The following LAMA4 variants were observed in gnomAD, a reference collection of about 807,000 sequenced individuals.
LAMA4 encodes the protein laminin subunit alpha 4.
A neutral mutation model predicts 207.1 loss-of-function variants in LAMA4; 127 were observed. The ratio of observed to expected loss-of-function variants is 0.61; its 90% CI spans 0.53 to 0.71. The LOEUF is 0.71. Ranked by LOEUF, LAMA4 falls within the 30% of genes least tolerant of loss-of-function variation. LAMA4 has a pLI of 0.00. For missense variants in LAMA4, 2,093 were observed against 2,246.5 expected (o/e 0.93, Z 1.38); for synonymous variants, 761 against 816.0 (o/e 0.93, Z 1.15).
At chr6:112,130,096 C>T (rs1583663955) in intron 29 of LAMA4, 56 bp from the exon 30 acceptor site, 1 of 1,463,468 alleles carries the variant, frequency 6.8e-7, no homozygotes, top group East Asian at 2.3e-5. Flanking sequence ...TACCTTGACC[C>T]ACTCTAGGTT....
chr6:112,187,604 G>A lies in LAMA4; in HGVS notation c.815-3C>T. The stretch of plus-strand genomic sequence containing the variant: ...GTCCCAGACGCACTTATCACAGCCT[G>A]GAGGTGAAACATTTCTTCAGAATCA... On this transcript the variant is annotated splice_polypyrimidine_tract_variant and splice_region_variant and intron_variant, in intron 7 of 38. Coordinates refer to ENST00000230538, the MANE Select transcript of LAMA4 (RefSeq NM_001105206.3). 6.2e-7 allele frequency: 1 copy of A among 1,613,564 alleles called. No individual in the cohort carries two copies. Among genetic ancestry groups the A allele is most frequent in the South Asian group, 1.1e-5 (1 of 90,950 alleles).
rs782652306 is a variant in LAMA4, at chr6:112,114,731, A to G, written c.5138T>C (p.Ile1713Thr). 2.5e-6 allele frequency: 4 copies of G among 1,612,066 alleles called. No homozygotes were observed. In the African/African-American group the frequency reaches 4.0e-5, roughly 16 times the overall value. Residue 1713 changes from isoleucine to threonine, a missense_variant, in exon 37 of 39, where the codon ATC becomes ACC. This residue lies in a region of LAMA4 where 383 missense variants were observed against 437.8 expected (regional missense o/e 0.87). Transcript: ENST00000230538. ...GQVIVKVNNGIRDFSTSVTPK... is the reference protein window; with the variant it reads ...GQVIVKVNNGTRDFSTSVTPK... ...TGTAACTGAGGTGGAAAAATCTCTG[A>G]TGCCATTATTGACTTTCACTATGAC...
At chr6:112,215,789 A>G (rs2213840) in intron 3 of LAMA4, among the ~76,000 whole-genome samples, 29,880 of 152,234 alleles carry the variant, frequency 0.2, 3,296 homozygotes, top group African/African-American at 0.28. Flanking sequence ...AATGAAGAAC[A>G]GTCTATTGGA....
chr6:112,122,160 A>T lies in LAMA4; in HGVS notation c.4329T>A (p.Ala1443=), dbSNP rs1778398832. 1 of 1,613,776 alleles carries T rather than the reference A, an allele frequency of 6.2e-7. No homozygotes were observed. The highest frequency in any genetic ancestry group is 1.3e-5 in the African/African-American group (1 of 74,898). Residue 1443 remains alanine (A), a synonymous_variant, in exon 32 of 39, where the codon GCT becomes GCA. Coordinates refer to ENST00000230538, the MANE Select transcript of LAMA4 (RefSeq NM_001105206.3). ...SKDAPSWDPV[A]LKLPERNTPR... is the part of the protein sequence containing the mutation. ...GAGTATTCCGCTCTGGGAGTTTCAGAGCAACAGGATCCCATGAAGGTGCAT... is the reference window on the plus strand; with the variant it reads ...GAGTATTCCGCTCTGGGAGTTTCAGTGCAACAGGATCCCATGAAGGTGCAT...
At chr6:112,195,507 C>T (rs1783363147) in intron 5 of LAMA4, among the ~76,000 whole-genome samples, 1 of 152,104 alleles carries the variant, frequency 6.6e-6, no homozygotes, top group South Asian at 2.1e-4. Flanking sequence ...TTCTCTTGTT[C>T]TTCTTCCTTA....
At chr6:112,141,700 G>T (rs1554333343) in intron 20 of LAMA4, among the ~76,000 whole-genome samples, 197 bp from the exon 21 acceptor site, 1 of 152,082 alleles carries the variant, frequency 6.6e-6, no homozygotes, top group Admixed American at 6.6e-5. Flanking sequence ...GAGTCTGCTG[G>T]CCCCATCTTG....
intron 3 of LAMA4, among the ~76,000 whole-genome samples, chr6:112,209,098 C>T (rs1182538165): frequency 6.6e-6 from 1 of 152,166 alleles, no homozygotes; most frequent in African/African-American, 2.4e-5. Context: ...AAAGTTGCAG[C>T]AATCTCTCAT....
At chr6:112,134,646 A>T in intron 25 of LAMA4, 37 bp from the exon 26 acceptor site, 1 of 1,507,468 alleles carries the variant, frequency 6.6e-7, no homozygotes, top group Non-Finnish European at 9.2e-7. Context: ...TTGATTAACT[A>T]TTTAATATTC....
At chr6:112,144,727 A>C in intron 19 of LAMA4, 67 bp downstream of exon 19, 1 of 1,567,070 alleles carries the variant, frequency 6.4e-7, no homozygotes, top group Non-Finnish European at 8.7e-7. Context: ...AAGCTGCCCA[A>C]GCAGTTGGAG....
rs1554343423 is a variant in LAMA4, at chr6:112,175,478, T to C, written c.1192A>G (p.Ile398Val). 1 of 1,614,072 alleles carries C rather than the reference T, an allele frequency of 6.2e-7. No homozygotes were observed. The highest frequency in any genetic ancestry group is 1.1e-5 in the South Asian group (1 of 91,074). ...AHDMRDKIQE[I>V]NNKMLYYGEE... ...CCATAATAGAGCATCTTGTTGTTGA[T>C]CTCTGAAAGGAAGAACATGGTGAAA... Residue 398 changes from isoleucine to valine, a missense_variant and splice_region_variant, in exon 11 of 39, where the codon ATC (isoleucine) becomes GTC (valine). Physicochemically the swap from Ile to Val is conservative, Grantham distance 29. This residue lies in a region of LAMA4 where 1,704 missense variants were observed against 1,788.4 expected (regional missense o/e 0.95). Coordinates refer to ENST00000230538, the MANE Select transcript of LAMA4 (RefSeq NM_001105206.3).
chr6:112,201,674 CA>C lies in LAMA4; in HGVS notation c.436del (p.Cys146AlafsTer52). 1 of 1,613,836 alleles carries C rather than the reference CA, an allele frequency of 6.2e-7. No homozygotes were observed. Among genetic ancestry groups the C allele is most frequent in the Non-Finnish European group, 8.5e-7 (1 of 1,179,802 alleles). On this transcript the variant is annotated frameshift_variant, in exon 5 of 39. Coordinates refer to ENST00000230538, the MANE Select transcript of LAMA4 (RefSeq NM_001105206.3). LOFTEE classifies it high-confidence loss of function. ...CCGAACAGCTCCATTTTTCCTATAG[CA>C]GGATTCTGCAAAACTAAAATTGGAA... is the stretch of plus-strand genomic sequence containing the variant. ...LPHLANFAESCYRKNGAVRCI... is the reference protein window; with the variant it reads ...LPHLANFAESXYRKNGAVRCI...
At chr6:112,114,356 A>G (rs587714666) in intron 37 of LAMA4, among the ~76,000 whole-genome samples, 161 bp from the exon 38 acceptor site, 1 of 152,338 alleles carries the variant, frequency 6.6e-6, no homozygotes, top group South Asian at 2.1e-4. Context: ...AACAATGTCT[A>G]ACCAAGAGAT....
chr6:112,159,045 G>T (rs550583863), intron 13 of LAMA4, 165 bp from the exon 14 acceptor site: 2 of 603,232 alleles, frequency 3.3e-6, no homozygotes. Context: ...TATTTATCCC[G>T]CATTGCCAGC....
chr6:112,129,982 T>C lies in LAMA4; in HGVS notation c.4027A>G (p.Ile1343Val). Residue 1343 changes from isoleucine (I) to valine (V), a missense_variant, in exon 30 of 39, where the codon ATA becomes GTA. Ile to Val is a conservative substitution (Grantham distance 29, BLOSUM62 3). Transcript: ENST00000230538. ...TTTTCACTTGCTTGTGTCTGTTCTA[T>C]TTTCCCTTTGGTAGGATTCTTACTC... ...VGSKNPTKGK[I>V]EQTQASEKKF... The C allele has an allele frequency of 6.2e-7, 1 of 1,613,352 alleles. No individual in the cohort carries two copies. Among genetic ancestry groups the C allele is most frequent in the Non-Finnish European group, 8.5e-7 (1 of 1,179,496 alleles).
intron 9 of LAMA4, among the ~76,000 whole-genome samples, chr6:112,182,294 T>C (rs1289734515): frequency 6.6e-6 from 1 of 152,184 alleles, no homozygotes; most frequent in Non-Finnish European, 1.5e-5. Context: ...CTATAACCTA[T>C]GCACATCCCC....
chr6:112,244,989 T>G (rs1243154355), intron 2 of LAMA4, among the ~76,000 whole-genome samples: 2 of 152,158 alleles, frequency 1.3e-5, no homozygotes, highest in African/African-American at 4.8e-5. Context: ...AGGCAATTAT[T>G]CATGTACTAC....
chr6:112,213,819 C>T, intron 3 of LAMA4: 1 of 405,006 alleles, frequency 2.5e-6, no homozygotes. Flanking sequence ...ATACAGAGGT[C>T]TTATATGCCT....
At chr6:112,187,631 A>G (rs1314541067) in intron 7 of LAMA4, 30 bp from the exon 8 acceptor site, 2 of 1,610,562 alleles carry the variant, frequency 1.2e-6, no homozygotes, top group African/African-American at 2.7e-5. Flanking sequence ...TCAGAATCAC[A>G]AGTCAAAAGC....
At chr6:112,187,372 G>A (rs144629320) in intron 8 of LAMA4, 78 bp downstream of exon 8, 1 of 1,524,280 alleles carries the variant, frequency 6.6e-7, no homozygotes, top group African/African-American at 1.4e-5. Flanking sequence ...GATACAAAAA[G>A]GGGTAGAAGG....
Sources: allele counts gnomAD v4.1 joint callset (sites outside exome capture counted in the v4.1 genomes callset), GRCh38; gene constraint gnomAD v4.1.1; regional missense constraint gnomAD v4.1.1; transcripts MANE v1.5; gene names NCBI Gene and HGNC (gene_info 2026-07-23, HGNC 2026-07-21).